LETM1: variants seen among roughly 807,000 people sequenced by gnomAD.
LETM1 encodes the protein mitochondrial proton/calcium exchanger protein.
LETM1 carries 50 observed loss-of-function variants against 74.5 expected under a neutral mutation model. The observed-to-expected ratio is 0.67, with a 90% confidence interval of 0.53 to 0.85. The LOEUF (loss-of-function observed/expected upper bound fraction) is 0.85. Ranked by LOEUF, LETM1 falls within the 40% of genes least tolerant of loss-of-function variation. The pLI, the probability that LETM1 is intolerant of heterozygous loss-of-function variation, is 0.00. For missense variants in LETM1, 824 were observed against 967.8 expected (o/e 0.85, Z 1.97); for synonymous variants, 446 against 407.1 (o/e 1.10, Z -1.15).
Position 1,834,992 on chromosome 4 carries a change from C to A in LETM1, c.739-10G>T, listed in dbSNP as rs934578839. ...TCTTCAGCCTCTCCTCCTGCAAGGGCAGAGAGGGCACTGCATTCCAACTGC... is the reference window on the plus strand; with the variant it reads ...TCTTCAGCCTCTCCTCCTGCAAGGGAAGAGAGGGCACTGCATTCCAACTGC... On this transcript the variant is annotated splice_polypyrimidine_tract_variant and intron_variant, in intron 4 of 13. Coordinates refer to ENST00000302787, the MANE Select transcript of LETM1 (RefSeq NM_012318.3). The surrounding 1 kb of genome is among the most constrained non-coding windows in gnomAD (Gnocchi z 5.0). The A allele has an allele frequency of 6.2e-7, 1 of 1,613,220 alleles. No individual in the cohort carries two copies. The highest frequency in any genetic ancestry group is 8.5e-7 in the Non-Finnish European group (1 of 1,179,586).
chr4:1,856,113 C>A lies in LETM1; in HGVS notation c.-163G>T. ...GGCGCTCTCCTCAAGGACCCGGCAC[C>A]AGCGGCGGCCTTGTCCCGGCACAGA... On this transcript the variant is annotated 5_prime_UTR_variant, in exon 1 of 14. Coordinates refer to ENST00000302787, the MANE Select transcript of LETM1 (RefSeq NM_012318.3). 5.5e-6 allele frequency: 2 copies of A among 366,954 alleles called. No homozygotes were observed. The highest frequency in any genetic ancestry group is 9.3e-6 in the Non-Finnish European group (2 of 214,284). 22.7% of individuals were successfully genotyped at this position (366,954 alleles called of 1,614,324 possible). A position where few individuals can be genotyped will look rare whatever the true frequency, so the allele number is the denominator to read the frequency against.
intron 2 of LETM1, among the ~76,000 whole-genome samples, chr4:1,842,713 GC>G: frequency 6.6e-6 from 1 of 152,338 alleles, no homozygotes; most frequent in South Asian, 2.1e-4. Context: ...CGCTGCATCG[GC>G]CCCAGTTGCC....
At chr4:1,820,177 C>T (rs1297934123) in intron 10 of LETM1, among the ~76,000 whole-genome samples, 1 of 152,222 alleles carries the variant, frequency 6.6e-6, no homozygotes, top group Non-Finnish European at 1.5e-5. Context: ...CTCAGACGAT[C>T]CTCCCACCTC....
chr4:1,855,789 C>T, intron 1 of LETM1, 80 bp downstream of exon 1: 1 of 904,132 alleles, frequency 1.1e-6, no homozygotes, highest in Non-Finnish European at 1.4e-6. Flanking sequence ...GCCGTGACAA[C>T]CAGCCCGAAC....
At chr4:1,820,576 A>G (rs1711742368) in intron 10 of LETM1, among the ~76,000 whole-genome samples, 1 of 152,334 alleles carries the variant, frequency 6.6e-6, no homozygotes, top group African/African-American at 2.4e-5. Flanking sequence ...GTGTTTCTGC[A>G]GATGCTTTTG....
At chr4:1,819,269 C>A in intron 11 of LETM1, 69 bp downstream of exon 11, 1 of 1,481,756 alleles carries the variant, frequency 6.7e-7, no homozygotes, top group Non-Finnish European at 9.1e-7. Context: ...ATTATGTATA[C>A]TTTTGGGGCC....
In LETM1 at chr4:1,834,743, GC is replaced by G; in HGVS notation, c.876+101del. 6.5e-7 allele frequency: 1 copy of G among 1,539,870 alleles called. No individual in the cohort carries two copies. On this transcript the variant is annotated intron_variant, in intron 5 of 13. Transcript: ENST00000302787. This position sits in a 1 kb window ranked among gnomAD's most constrained non-coding sequence, Gnocchi z 5.0. ...TGGGTAAACTTTCAAGCGCCAGCCA[GC>G]ACCTGGGGGAGCTCCACTCTGCTGA...
At position 1,849,211 on chromosome 4, in the gene LETM1, T is replaced by A; in HGVS notation, c.83-2A>T. The A allele has an allele frequency of 6.2e-7, 1 of 1,608,572 alleles. No homozygotes were observed. Among genetic ancestry groups the A allele is most frequent in the Non-Finnish European group, 8.5e-7 (1 of 1,175,134 alleles). On this transcript the variant is annotated splice_acceptor_variant, in intron 1 of 13. Transcript: ENST00000302787. LOFTEE classifies it high-confidence loss of function. Reference sequence around the variant, plus strand: ...GATGAGCAGGATCCCCTGGACTACCTGTAACAGGAACAGGGGAAAATAAAT... The same window carrying A: ...GATGAGCAGGATCCCCTGGACTACCAGTAACAGGAACAGGGGAAAATAAAT...
chr4:1,833,732 C>A (rs949640665), intron 5 of LETM1: 1 of 152,324 alleles, frequency 6.6e-6, no homozygotes, highest in African/African-American at 2.4e-5. Context: ...TAGGAGGGTA[C>A]CTAGCAGAGG....
intron 3 of LETM1, among the ~76,000 whole-genome samples, chr4:1,840,333 T>C (rs1379880345): frequency 2.6e-5 from 4 of 151,490 alleles, no homozygotes; most frequent in African/African-American, 9.7e-5. Context: ...GCCGAGATTG[T>C]GCCACTGCAC....
intron 2 of LETM1, among the ~76,000 whole-genome samples, chr4:1,847,749 G>A (rs567713423): frequency 1.1e-3 from 166 of 151,016 alleles, no homozygotes; most frequent in African/African-American, 3.8e-3. Flanking sequence ...GCTTGAACCC[G>A]GGAGGCAGAG....
chr4:1,823,769 CCAGCCACTGCAACCAAGGCCAGGTT>C lies in LETM1; in HGVS notation c.1201-19_1206del. 6.2e-7 allele frequency: 1 copy of C among 1,608,946 alleles called. No individual in the cohort carries two copies. The highest frequency in any genetic ancestry group is 8.5e-7 in the Non-Finnish European group (1 of 1,177,018). Reference sequence around the variant, plus strand: ...GGGATCTCCTGATGCAGGTGCAGGTCCAGCCACTGCAACCAAGGCCAGGTTCAGCAGATGGGCAGCCCCCCAACCC... The same window carrying C: ...GGGATCTCCTGATGCAGGTGCAGGTCCAGCAGATGGGCAGCCCCCCAACCC... On this transcript the variant is annotated splice_acceptor_variant and splice_polypyrimidine_tract_variant and coding_sequence_variant and intron_variant, in exon 8 of 14. Coordinates refer to ENST00000302787, the MANE Select transcript of LETM1 (RefSeq NM_012318.3). LOFTEE classifies it high-confidence loss of function.
At chr4:1,838,443 G>A (rs1235795524) in intron 3 of LETM1, among the ~76,000 whole-genome samples, 1 of 152,046 alleles carries the variant, frequency 6.6e-6, no homozygotes, top group African/African-American at 2.4e-5. Flanking sequence ...TTGGGAGGCC[G>A]AGGCAGCAGG....
At chr4:1,852,545 A>C (rs1713103158) in intron 1 of LETM1, among the ~76,000 whole-genome samples, 1 of 152,190 alleles carries the variant, frequency 6.6e-6, no homozygotes, top group Non-Finnish European at 1.5e-5. Context: ...CCCTCTAATC[A>C]CAGCATGGCC....
At chr4:1,849,237 G>A (rs1233623550) in intron 1 of LETM1, 28 bp from the exon 2 acceptor site, 3 of 1,538,684 alleles carry the variant, frequency 1.9e-6, no homozygotes, top group Non-Finnish European at 2.7e-6. Context: ...GAAAATAAAT[G>A]AGTAGTAAAT....
At chr4:1,837,149 G>A (rs539012881) in intron 3 of LETM1, among the ~76,000 whole-genome samples, 3 of 152,298 alleles carry the variant, frequency 2.0e-5, no homozygotes, top group East Asian at 3.9e-4. Flanking sequence ...GGAAAACAGC[G>A]CGGGTGATGC....
rs763180183 is a variant in LETM1, at chr4:1,816,726, C to A, written c.1931+1G>T. ...TCTCCCGCGCCCACCACCCCACTCA[C>A]CCCGTGGGCATGCCGTTGGCCGGGG... On this transcript the variant is annotated splice_donor_variant, in intron 12 of 13. Transcript: ENST00000302787. LOFTEE classifies it high-confidence loss of function. 4 of 1,613,790 alleles carry A rather than the reference C, an allele frequency of 2.5e-6. No homozygotes were observed. Among genetic ancestry groups the A allele is most frequent in the Non-Finnish European group, 3.4e-6 (4 of 1,179,720 alleles).
chr4:1,828,332 C>CG (rs1712093167), intron 6 of LETM1, among the ~76,000 whole-genome samples: 1 of 102,862 alleles, frequency 9.7e-6, no homozygotes, highest in Non-Finnish European at 2.0e-5. Context: ...GGGGGCTGAC[C>CG]CCCCCCACCT....
intron 3 of LETM1, among the ~76,000 whole-genome samples, chr4:1,840,742 T>C (rs1275485303): frequency 1.3e-5 from 2 of 151,084 alleles, no homozygotes; most frequent in African/African-American, 2.4e-5. Flanking sequence ...GGTGGGAACC[T>C]AACTTGAAGC....
Sources: gnomAD v4.1 joint callset for allele counts (sites outside exome capture counted in the v4.1 genomes callset) on GRCh38, gnomAD v4.1.1 for gene constraint, Gnocchi (gnomAD v3.1) non-coding constraint, MANE v1.5 for transcripts, NCBI Gene and HGNC (gene_info 2026-07-23, HGNC 2026-07-21) for gene names.